TMEM26: variants seen among roughly 807,000 people sequenced by gnomAD.
The protein encoded by TMEM26 is transmembrane protein 26.
In TMEM26, 38 loss-of-function variants were observed where a neutral mutation model predicts 28.8. The ratio of observed to expected loss-of-function variants is 1.32; its 90% CI spans 1.02 to 1.73. The LOEUF (loss-of-function observed/expected upper bound fraction) is 1.73, where lower values mean the gene tolerates loss of function less well. Among genes scored for constraint, TMEM26 ranks in the 40% most tolerant of loss-of-function variants. The pLI is 0.00. For missense variants in TMEM26, 518 were observed against 447.1 expected, an observed-to-expected ratio of 1.16 and a Z score of -1.43; for synonymous variants, 227 against 182.9, an observed-to-expected ratio of 1.24 and a Z score of -1.95.
chr10:61,435,670 TA>T (rs1048422326), intron 2 of TMEM26, among the ~76,000 whole-genome samples: 4 of 152,222 alleles, frequency 2.6e-5, no homozygotes, highest in Non-Finnish European at 5.9e-5. Flanking sequence ...ACCTGCATTT[TA>T]AAAGAGACTA....
At chr10:61,419,809 T>G (rs1234104799) in intron 4 of TMEM26, among the ~76,000 whole-genome samples, 2 of 151,968 alleles carry the variant, frequency 1.3e-5, no homozygotes, top group Non-Finnish European at 2.9e-5. Context: ...AAAAACATAA[T>G]TTACAGGTGT....
chr10:61,418,375 C>T (rs944737997), intron 4 of TMEM26, among the ~76,000 whole-genome samples: 1 of 151,934 alleles, frequency 6.6e-6, no homozygotes, highest in Non-Finnish European at 1.5e-5. Flanking sequence ...AAACAGATGG[C>T]TCCCAGGTCC....
rs78586635 is a variant in TMEM26 at position 61,436,101 on chromosome 10, A to G, written c.270+69T>C. Reference sequence around the variant, plus strand: ...CCTTAGAAAAGTGCATTCCGAAAATAAACTGGATCATACTGTGAAAGTAGC... The same window carrying G: ...CCTTAGAAAAGTGCATTCCGAAAATGAACTGGATCATACTGTGAAAGTAGC... On this transcript the variant is annotated intron_variant, in intron 2 of 5. Transcript: ENST00000399298. 3,010 of 1,005,786 alleles carry G rather than the reference A, an allele frequency of 3.0e-3. 23 individuals are homozygous for G. The highest frequency in any genetic ancestry group is 0.023 in the African/African-American group (1,412 of 61,506). 62.3% of individuals were successfully genotyped at this position (1,005,786 alleles called of 1,614,324 possible).
chr10:61,432,137 G>A (rs1839933151), intron 2 of TMEM26, among the ~76,000 whole-genome samples: 1 of 151,816 alleles, frequency 6.6e-6, no homozygotes, highest in Admixed American at 6.6e-5. Flanking sequence ...AGTATTTTAA[G>A]AGTTTGTTTC....
intron 4 of TMEM26, among the ~76,000 whole-genome samples, chr10:61,424,562 A>T (rs1240282137): frequency 2.0e-5 from 3 of 152,140 alleles, no homozygotes; most frequent in Non-Finnish European, 4.4e-5. Context: ...CCTTTTTTAC[A>T]ACTTGAAAAG....
chr10:61,450,857 C>T (rs370558666), intron 1 of TMEM26, among the ~76,000 whole-genome samples: 1 of 151,690 alleles, frequency 6.6e-6, no homozygotes, highest in African/African-American at 2.4e-5. Flanking sequence ...ATAAAGTGTG[C>T]CTAGTTGATA....
chr10:61,446,679 C>T (rs935235863), intron 1 of TMEM26, among the ~76,000 whole-genome samples: 2 of 151,522 alleles, frequency 1.3e-5, no homozygotes, highest in Admixed American at 1.3e-4. Context: ...ATTAACCAGG[C>T]GTGGTGGCAC....
At chr10:61,450,365 A>G (rs1042264124) in intron 1 of TMEM26, among the ~76,000 whole-genome samples, 1 of 152,192 alleles carries the variant, frequency 6.6e-6, no homozygotes, top group African/African-American at 2.4e-5. Context: ...TACTTCACCT[A>G]GAAAGGGAAT....
intron 3 of TMEM26, among the ~76,000 whole-genome samples, chr10:61,429,682 G>A (rs1229001706): frequency 1.3e-5 from 2 of 151,868 alleles, no homozygotes; most frequent in Non-Finnish European, 2.9e-5. Flanking sequence ...TGTAAAGAAA[G>A]AGAATAACTG....
chr10:61,422,270 G>T (rs1225171242), intron 4 of TMEM26, among the ~76,000 whole-genome samples: 1 of 152,028 alleles, frequency 6.6e-6, no homozygotes, highest in Non-Finnish European at 1.5e-5. Context: ...AATCAGTAAG[G>T]ATACAGAAGA....
chr10:61,434,169 T>C (rs1204108993), intron 2 of TMEM26, among the ~76,000 whole-genome samples: 2 of 152,220 alleles, frequency 1.3e-5, no homozygotes, highest in South Asian at 4.1e-4. Flanking sequence ...ACTATTTTTC[T>C]ACTTTCATTT....
intron 4 of TMEM26, among the ~76,000 whole-genome samples, chr10:61,420,466 ATTC>A (rs1164198587): frequency 1.3e-5 from 2 of 152,128 alleles, no homozygotes; most frequent in African/African-American, 2.4e-5. Flanking sequence ...AACTCATGTT[ATTC>A]AAAGGTCAAC....
intron 1 of TMEM26, among the ~76,000 whole-genome samples, chr10:61,446,174 G>A (rs1840176943): frequency 6.6e-6 from 1 of 152,144 alleles, no homozygotes; most frequent in African/African-American, 2.4e-5. Flanking sequence ...GGCAAAAGAA[G>A]GAAATATGAC....
intron 4 of TMEM26, among the ~76,000 whole-genome samples, chr10:61,425,841 G>A (rs1002102424): frequency 6.6e-6 from 1 of 151,942 alleles, no homozygotes; most frequent in Non-Finnish European, 1.5e-5. Context: ...ATTGCTGGTG[G>A]GAATATAAAT....
In TMEM26 at chr10:61,409,165, C is replaced by T. The variant is rs1324321202; in HGVS notation, c.*1157G>A. On this transcript the variant is annotated 3_prime_UTR_variant, in exon 6 of 6. Transcript: ENST00000399298. Reference sequence around the variant, plus strand: ...TTAAAAGGTTCTGAATCACCTCCATCTGGAAAGTATAGAGGTATGTAAAGG... The same window carrying T: ...TTAAAAGGTTCTGAATCACCTCCATTTGGAAAGTATAGAGGTATGTAAAGG... 3 of 152,206 alleles carry T rather than the reference C, an allele frequency of 2.0e-5. No homozygotes were observed. Among genetic ancestry groups the T allele is most frequent in the Non-Finnish European group, 4.4e-5 (3 of 68,044 alleles). The allele number at this position is 152,206 out of a possible 1,614,324, so 9.4% of individuals were successfully genotyped here.
intron 2 of TMEM26, among the ~76,000 whole-genome samples, chr10:61,435,273 C>T (rs79601517): frequency 0.016 from 2,390 of 152,232 alleles, 34 homozygotes; most frequent in Admixed American, 0.039. Context: ...CCTCCACCTC[C>T]GGGTTCAAGT....
chr10:61,440,115 C>T (rs912783326), intron 1 of TMEM26, among the ~76,000 whole-genome samples: 1 of 151,810 alleles, frequency 6.6e-6, no homozygotes, highest in African/African-American at 2.4e-5. Flanking sequence ...TGGCTTGCAC[C>T]TGTAATCCCA....
At chr10:61,442,757 G>A (rs985083919) in intron 1 of TMEM26, among the ~76,000 whole-genome samples, 1 of 152,252 alleles carries the variant, frequency 6.6e-6, no homozygotes, top group Admixed American at 6.5e-5. Flanking sequence ...CAATGCAAAG[G>A]TTGTCTGTCC....
intron 4 of TMEM26, chr10:61,415,244 C>A (rs1839632837): frequency 1.4e-6 from 1 of 701,542 alleles, no homozygotes; most frequent in Non-Finnish European, 1.8e-6. Context: ...TAATTGTTAT[C>A]TAATTATGAG....
Sources: allele counts gnomAD v4.1 joint callset (sites outside exome capture counted in the v4.1 genomes callset), GRCh38; gene constraint gnomAD v4.1.1; transcripts MANE v1.5; gene names NCBI Gene and HGNC (gene_info 2026-07-23, HGNC 2026-07-21).